The following SLC26A9 variants were observed in gnomAD, a reference collection of about 807,000 sequenced individuals.
SLC26A9 encodes the protein anion transporter/exchanger protein 9.
A neutral mutation model predicts 87.1 loss-of-function variants in SLC26A9; 46 were observed. The ratio of observed to expected loss-of-function variants is 0.53; its 90% confidence interval spans 0.42 to 0.67. SLC26A9 has a LOEUF of 0.67. Ranked by LOEUF, SLC26A9 falls within the 30% of genes least tolerant of loss-of-function variation. SLC26A9 has a pLI of 0.00. For missense variants in SLC26A9, 927 were observed against 1,018.3 expected (o/e 0.91, Z 1.22); for synonymous variants, 437 against 409.1 (o/e 1.07, Z -0.82).
intron 1 of SLC26A9, among the ~76,000 whole-genome samples, chr1:205,942,736 C>T (rs758647074): frequency 3.3e-5 from 5 of 152,170 alleles, no homozygotes; most frequent in Non-Finnish European, 7.4e-5. Context: ...CAGCTACCGC[C>T]CACCCGCCTG....
intron 20 of SLC26A9, among the ~76,000 whole-genome samples, chr1:205,915,915 T>C (rs1268475225): frequency 6.6e-6 from 1 of 152,094 alleles, no homozygotes; most frequent in Non-Finnish European, 1.5e-5. Context: ...CAGAGCACCA[T>C]GGAGCTCAAT....
chr1:205,916,039 G>A (rs1282492335), intron 20 of SLC26A9, among the ~76,000 whole-genome samples: 1 of 152,120 alleles, frequency 6.6e-6, no homozygotes, highest in Non-Finnish European at 1.5e-5. Context: ...TTGGTGGGGT[G>A]GTGTTAATCC....
chr1:205,931,219 G>C (rs906931359), intron 5 of SLC26A9, among the ~76,000 whole-genome samples: 3 of 152,194 alleles, frequency 2.0e-5, no homozygotes, highest in East Asian at 3.9e-4. Flanking sequence ...GGCTGGAGAG[G>C]AGTGAGGGAT....
intron 10 of SLC26A9, 101 bp downstream of exon 10, chr1:205,927,390 GA>G: frequency 6.4e-7 from 1 of 1,551,758 alleles, no homozygotes; most frequent in Non-Finnish European, 8.9e-7. Context: ...AAGACGGGAA[GA>G]AGGGGTCGGA....
chr1:205,940,682 A>G (rs1659703618), intron 1 of SLC26A9, among the ~76,000 whole-genome samples: 1 of 152,120 alleles, frequency 6.6e-6, no homozygotes. Context: ...ACAGCAGAAA[A>G]TCTTGTCAGA....
chr1:205,930,084 G>T, intron 5 of SLC26A9, 28 bp from the exon 6 acceptor site: 1 of 1,575,184 alleles, frequency 6.3e-7, no homozygotes, highest in Non-Finnish European at 8.7e-7. Context: ...GTGGTTGGTG[G>T]CGGAAGACCA....
Position 205,918,971 on chromosome 1 carries a change from C to G in SLC26A9, c.2125G>C (p.Asp709His), listed in dbSNP as rs1157602168. ...LVNIHAQVYN[D>H]ISHGGVFEDG... The stretch of plus-strand genomic sequence containing the variant: ...TCAAAGACGCCTCCATGGCTAATGT[C>G]ATTGTACACCTGGGCTAGAAGGAGA... The change falls in exon 19 of 21, where the codon GAC becomes CAC. Residue 709 changes from aspartate to histidine, a missense_variant. Transcript: ENST00000367135. 3 of 1,614,018 alleles carry G rather than the reference C, an allele frequency of 1.9e-6. No individual in the cohort carries two copies. In the Admixed American group the frequency reaches 5.0e-5, roughly 27 times the overall value.
chr1:205,925,781 G>A (rs187997198), intron 12 of SLC26A9, among the ~76,000 whole-genome samples: 7 of 152,296 alleles, frequency 4.6e-5, no homozygotes, highest in African/African-American at 1.2e-4. Context: ...TTTCATCACC[G>A]TTAAGAAAGT....
chr1:205,926,363 G>C (rs901308835), intron 12 of SLC26A9, among the ~76,000 whole-genome samples, 172 bp downstream of exon 12: 7 of 152,102 alleles, frequency 4.6e-5, no homozygotes, highest in Admixed American at 2.6e-4. Context: ...GCTGAGTTAG[G>C]GTTTGAACAT....
intron 6 of SLC26A9, 119 bp downstream of exon 6, chr1:205,929,773 T>G (rs1293722298): frequency 7.7e-7 from 1 of 1,302,656 alleles, no homozygotes; most frequent in Non-Finnish European, 1.0e-6. Flanking sequence ...GAATCCTCTC[T>G]GAACAACAGC....
intron 17 of SLC26A9, 97 bp downstream of exon 17, chr1:205,921,469 C>T (rs1343017211): frequency 3.4e-6 from 5 of 1,451,984 alleles, no homozygotes; most frequent in African/African-American, 1.4e-5. Context: ...AGCTTCCTCC[C>T]TCAGCTTCCT....
intron 1 of SLC26A9, among the ~76,000 whole-genome samples, chr1:205,938,124 T>C (rs1035767406): frequency 1.3e-5 from 2 of 151,792 alleles, no homozygotes; most frequent in African/African-American, 2.4e-5. Flanking sequence ...GTCCCCAGGA[T>C]TTCCCCACTT....
In SLC26A9 at chr1:205,927,193, C is replaced by T. The variant is rs759430552; in HGVS notation, c.1293+18G>A. ...TTGGAGTCTTTCGTTGACTTCTGCT[C>T]GATGGCTGGGCTCTTACCTTAGGGA... On this transcript the variant is annotated intron_variant, in intron 11 of 20. Transcript: ENST00000367135. The T allele has an allele frequency of 6.2e-6, 10 of 1,613,676 alleles. No homozygotes were observed. The highest frequency in any genetic ancestry group is 4.5e-5 in the East Asian group (2 of 44,886).
At chr1:205,939,851 A>G (rs550455324) in intron 1 of SLC26A9, among the ~76,000 whole-genome samples, 24 of 152,306 alleles carry the variant, frequency 1.6e-4, no homozygotes, top group Admixed American at 9.1e-4. Flanking sequence ...ATGATAAGTG[A>G]TGTCAGCATC....
intron 2 of SLC26A9, among the ~76,000 whole-genome samples, chr1:205,934,126 G>A: frequency 6.6e-6 from 1 of 152,184 alleles, no homozygotes; most frequent in East Asian, 1.9e-4. Flanking sequence ...CGGTCCCCTG[G>A]ATGTCACCCA....
At chr1:205,915,515 C>T in intron 20 of SLC26A9, 111 bp from the exon 21 acceptor site, 1 of 1,308,626 alleles carries the variant, frequency 7.6e-7, no homozygotes, top group Non-Finnish European at 1.1e-6. Context: ...CAGAACAAAG[C>T]ACCTGTGTGT....
chr1:205,936,612 C>T (rs1659519874), intron 1 of SLC26A9, among the ~76,000 whole-genome samples: 1 of 152,120 alleles, frequency 6.6e-6, no homozygotes, highest in Admixed American at 6.5e-5. Context: ...CTTTCCCCCT[C>T]CCTCTTCCAA....
chr1:205,935,726 G>A lies in SLC26A9; in HGVS notation c.95C>T (p.Pro32Leu). 1 of 1,614,092 alleles carries A rather than the reference G, an allele frequency of 6.2e-7. No homozygotes were observed. Among genetic ancestry groups the A allele is most frequent in the Non-Finnish European group, 8.5e-7 (1 of 1,179,966 alleles). ...DEFEKKDRTY[P>L]VGEKLRNAFR... The stretch of plus-strand genomic sequence containing the variant: ...GGCATTGCGAAGTTTCTCTCCCACT[G>A]GGTATGTCCGGTCCTTCTTCTCAAA... The change falls in exon 2 of 21, where the codon CCA becomes CTA. Residue 32 changes from proline (P) to leucine (L), a missense_variant. Transcript: ENST00000367135.
At position 205,931,881 on chromosome 1, in the gene SLC26A9, G is replaced by A; in HGVS notation, c.531C>T (p.Ala177=). The A allele has an allele frequency of 6.2e-7, 1 of 1,613,700 alleles. No individual in the cohort carries two copies. Among genetic ancestry groups the A allele is most frequent in the Non-Finnish European group, 8.5e-7 (1 of 1,179,902 alleles). ...TCACCTGGATGATGGCGGTGAGGCA[G>A]GCTAGCGTAGCTGACACGTGCAGCC... The part of the protein sequence containing the change: ...AERLHVSATL[A]CLTAIIQMGL... Residue 177 remains alanine (A), a synonymous_variant, in exon 5 of 21, where the codon GCC becomes GCT. Transcript: ENST00000367135.
Sources: gnomAD v4.1 joint callset for allele counts (sites outside exome capture counted in the v4.1 genomes callset) on GRCh38, gnomAD v4.1.1 for gene constraint, MANE v1.5 for transcripts, NCBI Gene and HGNC (gene_info 2026-07-23, HGNC 2026-07-21) for gene names.